The following BRCA1 variants were observed in gnomAD, a reference collection of about 807,000 sequenced individuals.
BRCA1 encodes the protein breast cancer type 1 susceptibility protein.
In BRCA1, 140 loss-of-function variants were observed where a neutral mutation model predicts 173.7. The observed-to-expected ratio is 0.81, with a 90% CI of 0.70 to 0.93. The LOEUF is 0.93. Ranked by LOEUF, BRCA1 falls within the 40% of genes least tolerant of loss-of-function variation. The probability of loss-of-function intolerance (pLI) is 0.00; values close to 1 mark genes in which losing one functional copy is unlikely to be tolerated. For synonymous variants in BRCA1, 662 were observed against 756.0 expected, an observed-to-expected ratio of 0.88 and a Z score of 2.04; for missense variants, 1,983 against 2,172.5, an observed-to-expected ratio of 0.91 and a Z score of 1.73.
intron 1 of BRCA1, among the ~76,000 whole-genome samples, chr17:43,140,729 TC>T (rs936697693): frequency 2.0e-5 from 3 of 152,148 alleles, no homozygotes; most frequent in Non-Finnish European, 4.4e-5. Flanking sequence ...TCCGGCCCTC[TC>T]CCTAGTCTAG....
chr17:43,113,909 G>A (rs185891731), intron 3 of BRCA1, among the ~76,000 whole-genome samples: 2 of 152,018 alleles, frequency 1.3e-5, no homozygotes, highest in East Asian at 3.9e-4. Flanking sequence ...ACCCTGTCTC[G>A]ACTAAAAATA....
At chr17:43,116,638 C>T (rs980949002) in intron 2 of BRCA1, among the ~76,000 whole-genome samples, 5 of 152,220 alleles carry the variant, frequency 3.3e-5, no homozygotes, top group South Asian at 4.1e-4. Flanking sequence ...CCTGCCTCAG[C>T]CTCCCAGGTA....
chr17:43,111,761 G>A (rs1223209220), intron 3 of BRCA1, among the ~76,000 whole-genome samples: 1 of 152,088 alleles, frequency 6.6e-6, no homozygotes, highest in Non-Finnish European at 1.5e-5. Flanking sequence ...GGTGGAGCTT[G>A]CAGTGAGCCG....
At chr17:43,065,507 A>G (rs2052028443) in intron 16 of BRCA1, among the ~76,000 whole-genome samples, 1 of 152,140 alleles carries the variant, frequency 6.6e-6, no homozygotes, top group Non-Finnish European at 1.5e-5. Context: ...TGTCTCTACT[A>G]AAAATACAAA....
intron 19 of BRCA1, among the ~76,000 whole-genome samples, chr17:43,051,807 T>C (rs559448041): frequency 1.3e-5 from 2 of 152,094 alleles, no homozygotes; most frequent in East Asian, 3.9e-4. Flanking sequence ...CGGCTAATTT[T>C]TGTATTTTTA....
At chr17:43,145,051 G>A in intron 1 of BRCA1, 1 of 804,884 alleles carries the variant, frequency 1.2e-6, no homozygotes, top group Non-Finnish European at 2.2e-6. Flanking sequence ...CTGCAAAAGT[G>A]GAAGCGAAGC....
intron 1 of BRCA1, chr17:43,159,561 G>A (rs1156959252): frequency 2.0e-5 from 4 of 203,246 alleles, no homozygotes; most frequent in East Asian, 1.7e-4. Flanking sequence ...CAGACGGGGC[G>A]GCCGGGCAGA....
At chr17:43,099,648 G>A (rs1329948405) in intron 7 of BRCA1, 127 bp downstream of exon 7, 4 of 743,344 alleles carry the variant, frequency 5.4e-6, no homozygotes, top group Admixed American at 4.1e-5. Context: ...TCACCATAGG[G>A]CTCATAAAAT....
intron 1 of BRCA1, chr17:43,124,830 C>T (rs924533269): frequency 2.1e-5 from 6 of 292,272 alleles, no homozygotes; most frequent in African/African-American, 1.3e-4. Context: ...GATCTCGGCT[C>T]ACTGCAACCT....
upstream of BRCA1, among the ~76,000 whole-genome samples, chr17:43,128,277 G>A (rs1230824786): frequency 2.0e-5 from 3 of 151,460 alleles, no homozygotes; most frequent in Non-Finnish European, 2.9e-5. Context: ...CGGGAGGAAC[G>A]AACAAACTCC....
At chr17:43,102,953 T>TA (rs1475109475) in intron 6 of BRCA1, among the ~76,000 whole-genome samples, 1 of 151,610 alleles carries the variant, frequency 6.6e-6, no homozygotes, top group Non-Finnish European at 1.5e-5. Context: ...AGCTACTTTT[T>TA]TTTTTTTTTA....
chr17:43,064,652 A>G (rs964854505), intron 16 of BRCA1, among the ~76,000 whole-genome samples: 1 of 152,204 alleles, frequency 6.6e-6, no homozygotes, highest in Non-Finnish European at 1.5e-5. Flanking sequence ...CAGCAGCAGC[A>G]GCAGCAGCCA....
At chr17:43,074,131 A>G (rs2052575817) in intron 14 of BRCA1, among the ~76,000 whole-genome samples, 200 bp downstream of exon 14, 1 of 152,220 alleles carries the variant, frequency 6.6e-6, no homozygotes, top group Admixed American at 6.5e-5. Context: ...ATTAAAATAT[A>G]GATGGATTAA....
chr17:43,137,798 A>G (rs746498727), intron 1 of BRCA1, among the ~76,000 whole-genome samples: 10 of 150,720 alleles, frequency 6.6e-5, no homozygotes, highest in Non-Finnish European at 1.5e-4. Flanking sequence ...AATCATTTGA[A>G]CCTGGAAGGC....
chr17:43,164,227 G>C (rs1342352718), intron 1 of BRCA1: 1 of 152,180 alleles, frequency 6.6e-6, no homozygotes, highest in Non-Finnish European at 1.5e-5. Flanking sequence ...AAAACTGGTT[G>C]GGGCAGTCCA....
At chr17:43,049,230 A>G in intron 20 of BRCA1, 36 bp from the exon 21 acceptor site, 1 of 1,586,088 alleles carries the variant, frequency 6.3e-7, no homozygotes. Flanking sequence ...TCACTGCAGT[A>G]ATCTGCATAC....
intron 19 of BRCA1, 25 bp downstream of exon 19, chr17:43,057,027 G>A (rs987728966): frequency 6.2e-7 from 1 of 1,611,102 alleles, no homozygotes; most frequent in African/African-American, 1.3e-5. Flanking sequence ...TGAGATTTTT[G>A]TCAACTTGAG....
chr17:43,049,076 G>C (rs1432367884), intron 21 of BRCA1, 45 bp downstream of exon 21: 3 of 1,575,260 alleles, frequency 1.9e-6, no homozygotes, highest in African/African-American at 1.3e-5. Flanking sequence ...GCTCACAGGA[G>C]AGAATATTGT....
At chr17:43,102,659 C>CT (rs879555758) in intron 6 of BRCA1, among the ~76,000 whole-genome samples, 53 of 142,996 alleles carry the variant, frequency 3.7e-4, no homozygotes, top group Middle Eastern at 3.7e-3. Context: ...CCAGCCAGTT[C>CT]TTTTTTTTTT....
Sources: allele counts gnomAD v4.1 joint callset (sites outside exome capture counted in the v4.1 genomes callset), GRCh38; gene constraint gnomAD v4.1.1; transcripts MANE v1.5; gene names NCBI Gene and HGNC (gene_info 2026-07-23, HGNC 2026-07-21).